PDE4D: variants seen among roughly 807,000 people sequenced by gnomAD.
PDE4D encodes 3',5'-cyclic-AMP phosphodiesterase 4D.
PDE4D carries 24 observed loss-of-function variants against 87.4 expected under a neutral mutation model. That is an observed-to-expected ratio of 0.27 (90% CI 0.20 to 0.39). The LOEUF is 0.39. Ranked by LOEUF, PDE4D falls within the 10% of genes least tolerant of loss-of-function variation. The probability of loss-of-function intolerance (pLI) is 1.00; values close to 1 mark genes in which losing one functional copy is unlikely to be tolerated. For synonymous variants in PDE4D, 384 were observed against 383.2 expected (o/e 1.00, Z -0.02); for missense variants, 714 against 1,041.0 (o/e 0.69, Z 4.32).
intron 1 of PDE4D, among the ~76,000 whole-genome samples, chr5:59,386,027 T>C: frequency 6.6e-6 from 1 of 152,112 alleles, no homozygotes; most frequent in East Asian, 1.9e-4. Flanking sequence ...TGTGGTAGGG[T>C]GTGCGGGTAG....
At chr5:59,172,517 A>G (rs2153473846) in intron 5 of PDE4D, among the ~76,000 whole-genome samples, 2 of 149,672 alleles carry the variant, frequency 1.3e-5, no homozygotes, top group South Asian at 4.2e-4. Context: ...CAACACGGCA[A>G]AACGCCGCCT....
At chr5:60,028,026 C>G (rs1252642233) in intron 2 of PDE4D, among the ~76,000 whole-genome samples, 2 of 152,190 alleles carry the variant, frequency 1.3e-5, no homozygotes, top group Non-Finnish European at 2.9e-5. Context: ...CACCTCCAAA[C>G]AGAGGACCCT....
At chr5:59,189,296 A>C (rs1209699826) in intron 3 of PDE4D, among the ~76,000 whole-genome samples, 1 of 118,240 alleles carries the variant, frequency 8.5e-6, no homozygotes, top group Non-Finnish European at 1.6e-5. Flanking sequence ...GTTGCCCAGG[A>C]TGGAGTGCAA....
At chr5:59,775,897 A>G (rs1764028793) in intron 1 of PDE4D, among the ~76,000 whole-genome samples, 1 of 152,140 alleles carries the variant, frequency 6.6e-6, no homozygotes, top group Non-Finnish European at 1.5e-5. Flanking sequence ...ATCTTTCTCA[A>G]ATTAGTATAA....
chr5:59,274,219 A>C (rs181669370), intron 1 of PDE4D, among the ~76,000 whole-genome samples: 1 of 152,104 alleles, frequency 6.6e-6, no homozygotes, highest in Non-Finnish European at 1.5e-5. Context: ...TGCACGTGTT[A>C]TTTTGTAAGA....
chr5:60,117,508 T>A (rs1422255438), intron 2 of PDE4D, among the ~76,000 whole-genome samples: 1 of 152,110 alleles, frequency 6.6e-6, no homozygotes, highest in East Asian at 1.9e-4. Context: ...AATATGCAAC[T>A]ATTACCTTCC....
intron 2 of PDE4D, among the ~76,000 whole-genome samples, chr5:60,062,171 G>A (rs1771481761): frequency 6.6e-6 from 1 of 151,846 alleles, no homozygotes; most frequent in African/African-American, 2.4e-5. Flanking sequence ...ATCTGACAAA[G>A]GGCTACCATC....
intron 1 of PDE4D, among the ~76,000 whole-genome samples, chr5:59,351,003 A>G (rs1780443641): frequency 1.3e-5 from 2 of 152,178 alleles, no homozygotes; most frequent in Non-Finnish European, 2.9e-5. Flanking sequence ...TGTGACCAAG[A>G]GTGGTACCAA....
At chr5:60,098,874 T>C (rs772427146) in intron 2 of PDE4D, among the ~76,000 whole-genome samples, 2 of 152,042 alleles carry the variant, frequency 1.3e-5, no homozygotes, top group East Asian at 3.9e-4. Context: ...CTTTTGGCTT[T>C]ACAACATGAG....
chr5:59,297,239 G>A (rs1023630263), intron 1 of PDE4D, among the ~76,000 whole-genome samples: 2 of 152,146 alleles, frequency 1.3e-5, no homozygotes, highest in Non-Finnish European at 2.9e-5. Context: ...TATCAACATT[G>A]TGACATTTGT....
At chr5:60,425,988 C>A (rs1743674955) in intron 1 of PDE4D, among the ~76,000 whole-genome samples, 1 of 152,208 alleles carries the variant, frequency 6.6e-6, no homozygotes, top group Non-Finnish European at 1.5e-5. Context: ...AGTGAGATAT[C>A]ATCTCACACC....
intron 2 of PDE4D, among the ~76,000 whole-genome samples, chr5:60,071,942 C>G (rs575856320): frequency 2.6e-5 from 4 of 152,134 alleles, no homozygotes; most frequent in African/African-American, 9.7e-5. Flanking sequence ...TAGATTGATT[C>G]CATGTCTTTG....
chr5:59,420,877 T>C (rs994640549), intron 1 of PDE4D, among the ~76,000 whole-genome samples: 1 of 152,190 alleles, frequency 6.6e-6, no homozygotes, highest in African/African-American at 2.4e-5. Flanking sequence ...AGCACATATT[T>C]TCAGTCAGGG....
At chr5:59,702,685 A>G (rs1752755858) in intron 1 of PDE4D, among the ~76,000 whole-genome samples, 2 of 151,952 alleles carry the variant, frequency 1.3e-5, no homozygotes, top group Non-Finnish European at 2.9e-5. Context: ...CCTGGGCAAC[A>G]TGGCGAAACC....
In PDE4D at chr5:59,050,440, T is replaced by G. The variant is rs1203826926; in HGVS notation, c.809-11469A>C. Among the ~76,000 whole-genome samples, 8 of 152,210 alleles carry G rather than the reference T, an allele frequency of 5.3e-5. No homozygotes were observed. The East Asian group carries it at 1.5e-3, about 29-fold the overall frequency. The stretch of plus-strand genomic sequence containing the variant: ...TGAGTGATAAACTATTTTGGCCTAC[T>G]GGTAAACCTACATTTGTTAACTGTG... On this transcript the variant is annotated intron_variant, in intron 5 of 14. Transcript: ENST00000340635.
intron 5 of PDE4D, among the ~76,000 whole-genome samples, chr5:59,102,081 C>T (rs1417361220): frequency 2.1e-5 from 2 of 96,170 alleles, no homozygotes; most frequent in Non-Finnish European, 4.0e-5. Flanking sequence ...TTTTTCCCTA[C>T]TTTTTTTTTT....
intron 5 of PDE4D, among the ~76,000 whole-genome samples, chr5:59,160,635 C>T (rs146764924): frequency 1.5e-3 from 227 of 152,190 alleles, no homozygotes; most frequent in Middle Eastern, 3.4e-3. Flanking sequence ...TGAGGCACCA[C>T]GCCTGCCCCC....
chr5:59,502,107 C>T (rs1808386121), intron 1 of PDE4D, among the ~76,000 whole-genome samples: 1 of 151,986 alleles, frequency 6.6e-6, no homozygotes, highest in African/African-American at 2.4e-5. Flanking sequence ...CCTTTATATC[C>T]CTCCTGTCTC....
At chr5:60,509,998 C>A (rs1157944864) in intron 1 of PDE4D, among the ~76,000 whole-genome samples, 1 of 152,128 alleles carries the variant, frequency 6.6e-6, no homozygotes, top group Non-Finnish European at 1.5e-5. Flanking sequence ...AGAAGAGAAA[C>A]ATCACAGCTA....
Sources: gnomAD v4.1 joint callset for allele counts (sites outside exome capture counted in the v4.1 genomes callset) on GRCh38, gnomAD v4.1.1 for gene constraint, MANE v1.5 for transcripts, NCBI Gene and HGNC (gene_info 2026-07-23, HGNC 2026-07-21) for gene names.